GOLGA8A: variants seen among roughly 807,000 people sequenced by gnomAD.
GOLGA8A encodes the protein golgin A8 family member A, also known as golgin subfamily A member 8A.
In GOLGA8A, 3 loss-of-function variants were observed where a neutral mutation model predicts 22.1. That is an observed-to-expected ratio of 0.14 (90% CI 0.06 to 0.35). The LOEUF is 0.35. Ranked by LOEUF, GOLGA8A falls within the 10% of genes least tolerant of loss-of-function variation. GOLGA8A has a pLI of 1.00. For missense variants in GOLGA8A, 16 were observed against 233.2 expected, an observed-to-expected ratio of 0.07 and a Z score of 6.07; for synonymous variants, 7 against 91.7, an observed-to-expected ratio of 0.08 and a Z score of 5.28.
chr15:34,426,861 C>T (rs1234878396), intron 2 of GOLGA8A, among the ~76,000 whole-genome samples: 1 of 143,672 alleles, frequency 7.0e-6, no homozygotes, highest in East Asian at 2.2e-4. Flanking sequence ...CTAGAGACAA[C>T]ATAGCAACAC....
rs557318984 is a variant in GOLGA8A, at chr15:34,379,795, GCAT to G, written c.*1613_*1615del. On this transcript the variant is annotated 3_prime_UTR_variant, in exon 25 of 25. Transcript: ENST00000359187. ...GTTTTAACTGTTGATTCTTTCCCAAGCATCATCAAGTTATGATTTAGGCAATGT... is the reference window on the plus strand; with the variant it reads ...GTTTTAACTGTTGATTCTTTCCCAAGCATCAAGTTATGATTTAGGCAATGT... 30 of 152,734 alleles carry G rather than the reference GCAT, an allele frequency of 2.0e-4. No individual in the cohort carries two copies. Among genetic ancestry groups the G allele is most frequent in the African/African-American group, 6.5e-4 (27 of 41,568 alleles). The allele number at this position is 152,734 out of a possible 1,614,324, so 9.5% of individuals were successfully genotyped here. A position where few individuals can be genotyped will look rare whatever the true frequency, so the allele number is the denominator to read the frequency against.
At chr15:34,416,305 G>A (rs561828044) in intron 2 of GOLGA8A, 25 of 148,168 alleles carry the variant, frequency 1.7e-4, no homozygotes, top group African/African-American at 5.9e-4. Context: ...ATTCACAAGT[G>A]TCTTTAAGGA....
In GOLGA8A at chr15:34,437,455, C is replaced by G. The variant is rs1398836150; in HGVS notation, c.-1269G>C. The G allele has an allele frequency of 4.6e-5, 6 of 131,650 alleles. No homozygotes were observed. The highest frequency in any genetic ancestry group is 8.3e-5 in the African/African-American group (3 of 36,202). The allele number at this position is 131,650 out of a possible 1,614,324, so 8.2% of individuals were successfully genotyped here. ...GCCGTCCTCGCCGCGCCGCCGTCCT[C>G]GCCGCGCCGCCGTCCTCGCCGCGCC... On this transcript the variant is annotated 5_prime_UTR_variant, in exon 1 of 25. Coordinates refer to ENST00000359187, the MANE Select transcript of GOLGA8A (RefSeq NM_181077.5).
At chr15:34,437,302 C>G (rs1423490654) in intron 1 of GOLGA8A, 96 bp downstream of exon 1, 7 of 144,438 alleles carry the variant, frequency 4.8e-5, no homozygotes, top group Non-Finnish European at 1.5e-5. Flanking sequence ...CCGCAGCTTA[C>G]GCGCCGCCCC....
intron 2 of GOLGA8A, among the ~76,000 whole-genome samples, chr15:34,425,184 T>G (rs1197207865): frequency 6.8e-6 from 1 of 146,462 alleles, no homozygotes; most frequent in Non-Finnish European, 1.5e-5. Flanking sequence ...GAAGAGGTAA[T>G]GGCCCTTTAA....
intron 2 of GOLGA8A, among the ~76,000 whole-genome samples, chr15:34,421,483 C>T (rs1310309931): frequency 2.1e-5 from 3 of 139,572 alleles, no homozygotes; most frequent in South Asian, 2.7e-4. Flanking sequence ...ATGACGCACA[C>T]GGGCTGATAT....
Position 34,425,984 on chromosome 15 carries a change from G to A in GOLGA8A, c.-1123+9399C>T, listed in dbSNP as rs571884996. Among the ~76,000 whole-genome samples the A allele has an allele frequency of 1.4e-4, 21 of 145,022 alleles. 1 individual carries two copies. The highest frequency in any genetic ancestry group is 4.5e-4 in the African/African-American group (18 of 39,970). ...TCCAGAGAGTGTCAGTGGGGACACCGCTGCCCCACACACTAGCATCATTTA... is the reference window on the plus strand; with the variant it reads ...TCCAGAGAGTGTCAGTGGGGACACCACTGCCCCACACACTAGCATCATTTA... On this transcript the variant is annotated intron_variant, in intron 2 of 24. Coordinates refer to ENST00000359187, the MANE Select transcript of GOLGA8A (RefSeq NM_181077.5).
Position 34,433,173 on chromosome 15 carries a change from C to T in GOLGA8A, c.-1123+2210G>A, listed in dbSNP as rs143174572. Among the ~76,000 whole-genome samples, 303 of 148,590 alleles carry T rather than the reference C, an allele frequency of 2.0e-3. 22 individuals are homozygous for T. Among genetic ancestry groups the T allele is most frequent in the African/African-American group, 6.7e-3 (269 of 40,376 alleles). ...TCTTCTCCAACCAGGCCAGGACACA[C>T]GCAGGAGAGAGTCAGGCAGGAGGAG... On this transcript the variant is annotated intron_variant, in intron 2 of 24. Transcript: ENST00000359187.
At chr15:34,420,813 G>C (rs1468758802) in intron 2 of GOLGA8A, among the ~76,000 whole-genome samples, 2 of 129,382 alleles carry the variant, frequency 1.5e-5, no homozygotes, top group Non-Finnish European at 3.3e-5. Context: ...GAGTCAGCCT[G>C]GGGAGAGTAC....
At chr15:34,420,078 C>T (rs111732709) in intron 2 of GOLGA8A, 17,777 of 148,392 alleles carry the variant, frequency 0.12, 1,431 homozygotes, top group Non-Finnish European at 0.13. Flanking sequence ...GAATCATACA[C>T]GTAGAAGTAT....
At chr15:34,423,463 A>G (rs1000121742) in intron 2 of GOLGA8A, among the ~76,000 whole-genome samples, 3 of 145,808 alleles carry the variant, frequency 2.1e-5, no homozygotes, top group Admixed American at 6.9e-5. Context: ...AGACTAAATG[A>G]AAATGATGGA....
chr15:34,429,577 G>T (rs1386541402), intron 2 of GOLGA8A, among the ~76,000 whole-genome samples: 1 of 149,086 alleles, frequency 6.7e-6, no homozygotes, highest in Non-Finnish European at 1.5e-5. Context: ...GGAGGGCCTT[G>T]GACCCAGAGC....
intron 2 of GOLGA8A, among the ~76,000 whole-genome samples, chr15:34,426,166 A>G (rs1413932809): frequency 1.3e-5 from 2 of 149,316 alleles, no homozygotes; most frequent in Admixed American, 6.8e-5. Context: ...TCCACCTGTC[A>G]GCATTCTCCG....
chr15:34,434,302 T>G lies in GOLGA8A; in HGVS notation c.-1123+1081A>C, dbSNP rs74007822. 1.3e-5 allele frequency among the ~76,000 whole-genome samples: 2 copies of G among 149,502 alleles called. 1 individual carries two copies. Among genetic ancestry groups the G allele is most frequent in the Non-Finnish European group, 3.0e-5 (2 of 67,198 alleles). ...GGTGACACACCTGGCCTGGGCCAAC[T>G]TGCAGACTCAGGGGTACCCCACAGC... is the stretch of plus-strand genomic sequence containing the variant. On this transcript the variant is annotated intron_variant, in intron 2 of 24. Transcript: ENST00000359187.
intron 2 of GOLGA8A, among the ~76,000 whole-genome samples, chr15:34,432,500 CAA>C (rs1041008398): frequency 6.7e-6 from 1 of 148,894 alleles, no homozygotes; most frequent in Non-Finnish European, 1.5e-5. Context: ...CTCCTCGTTG[CAA>C]AGTTAAGACA....
At chr15:34,421,579 AAGAAGACT>A in intron 2 of GOLGA8A, among the ~76,000 whole-genome samples, 1 of 143,620 alleles carries the variant, frequency 7.0e-6, no homozygotes, top group African/African-American at 2.5e-5. Flanking sequence ...GTAAGTCCTC[AAGAAGACT>A]GCATGGGTTG....
At chr15:34,433,340 C>T (rs1269120310) in intron 2 of GOLGA8A, among the ~76,000 whole-genome samples, 3 of 149,032 alleles carry the variant, frequency 2.0e-5, no homozygotes, top group Admixed American at 1.4e-4. Flanking sequence ...CATCCACATC[C>T]GAGGTGACTG....
chr15:34,380,080 C>T lies in GOLGA8A; in HGVS notation c.*1331G>A, dbSNP rs1274108119. ...CTTGATTTTCAAAGATAATATAATA[C>T]TGTCTACTAAAATTCCTTTTTGTTT... On this transcript the variant is annotated 3_prime_UTR_variant, in exon 25 of 25. Coordinates refer to ENST00000359187, the MANE Select transcript of GOLGA8A (RefSeq NM_181077.5). The T allele has an allele frequency of 6.6e-6, 1 of 152,552 alleles. No individual in the cohort carries two copies. Among genetic ancestry groups the T allele is most frequent in the African/African-American group, 2.4e-5 (1 of 41,464 alleles). 9.4% of individuals were successfully genotyped at this position (152,552 alleles called of 1,614,324 possible).
At chr15:34,433,652 A>G (rs1319869075) in intron 2 of GOLGA8A, among the ~76,000 whole-genome samples, 1 of 149,054 alleles carries the variant, frequency 6.7e-6, no homozygotes, top group Non-Finnish European at 1.5e-5. Context: ...GCAGCAGGAC[A>G]TGTGCTGCAA....
Sources: gnomAD v4.1 joint callset for allele counts (sites outside exome capture counted in the v4.1 genomes callset) on GRCh38, gnomAD v4.1.1 for gene constraint, MANE v1.5 for transcripts, NCBI Gene and HGNC (gene_info 2026-07-23, HGNC 2026-07-21) for gene names.